Variants in PIGBOS1 observed in about 807,000 individuals in gnomAD.
PIGBOS1 encodes PIGB opposite strand 1, also known as protein PIGBOS1.
rs546729155 is a variant in PIGBOS1, at chr15:55,319,102, C to T, written c.-314G>A. 1.4e-5 allele frequency: 13 copies of T among 922,736 alleles called. No individual in the cohort carries two copies. Among genetic ancestry groups the T allele is most frequent in the Middle Eastern group, 3.6e-4 (1 of 2,792 alleles). 57.2% of individuals were successfully genotyped at this position (922,736 alleles called of 1,614,324 possible). On this transcript the variant is annotated 5_prime_UTR_variant, in exon 1 of 2. Transcript: ENST00000436697. ...CGGCGAAAGGAAACCGCAAGGAGGCCACCACGTCGGGTGGGAGCTACGAAG... is the reference window on the plus strand; with the variant it reads ...CGGCGAAAGGAAACCGCAAGGAGGCTACCACGTCGGGTGGGAGCTACGAAG...
At position 55,317,723 on chromosome 15, in the gene PIGBOS1, T is replaced by C; in HGVS notation, c.70A>G (p.Ile24Val). 1 of 398,564 alleles carries C rather than the reference T, an allele frequency of 2.5e-6. No individual in the cohort carries two copies. The highest frequency in any genetic ancestry group is 4.4e-6 in the Non-Finnish European group (1 of 226,048). 24.7% of individuals were successfully genotyped at this position (398,564 alleles called of 1,614,324 possible). The change falls in exon 2 of 2, where the codon ATT (isoleucine) becomes GTT (valine). Residue 24 changes from isoleucine (I) to valine (V), a missense_variant. By Grantham distance (29) the Ile-to-Val change is conservative. Transcript: ENST00000436697. ...TACTGTTCAAATACTGGTTGAAAAA[T>C]ATATACTCCTCCAGCAATTCCAAGG... ...TVLGIAGGVY[I>V]FQPVFEQYAK...
Position 55,317,724 on chromosome 15 carries a change from A to T in PIGBOS1, c.69T>A (p.Tyr23Ter), listed in dbSNP as rs1233932943. The change falls in exon 2 of 2, where the codon TAT (tyrosine) becomes TAA (stop). Residue 23 changes from tyrosine to a stop codon, truncating the protein, a stop_gained. Coordinates refer to ENST00000436697, the MANE Select transcript of PIGBOS1 (RefSeq NM_001308421.2). LOFTEE classifies it high-confidence loss of function. ...ATVLGIAGGV[Y>*]IFQPVFEQYA... Reference sequence around the variant, plus strand: ...ACTGTTCAAATACTGGTTGAAAAATATATACTCCTCCAGCAATTCCAAGGA... The same window carrying T: ...ACTGTTCAAATACTGGTTGAAAAATTTATACTCCTCCAGCAATTCCAAGGA... 1 of 398,506 alleles carries T rather than the reference A, an allele frequency of 2.5e-6. No homozygotes were observed. Among genetic ancestry groups the T allele is most frequent in the African/African-American group, 2.1e-5 (1 of 48,630 alleles). 24.7% of individuals were successfully genotyped at this position (398,506 alleles called of 1,614,324 possible). A position where few individuals can be genotyped will look rare whatever the true frequency, so the allele number is the denominator to read the frequency against.
rs2055100532 is a variant in PIGBOS1, at chr15:55,319,118, A to G, written c.-330T>C. 1.9e-6 allele frequency: 2 copies of G among 1,078,768 alleles called. No homozygotes were observed. The highest frequency in any genetic ancestry group is 2.6e-6 in the Non-Finnish European group (2 of 771,186). 66.8% of individuals were successfully genotyped at this position (1,078,768 alleles called of 1,614,324 possible). ...CAAGGAGGCCACCACGTCGGGTGGG[A>G]GCTACGAAGTTGCCCGTTCCCGGTT... is the stretch of plus-strand genomic sequence containing the variant. On this transcript the variant is annotated 5_prime_UTR_variant, in exon 1 of 2. Transcript: ENST00000436697.
At position 55,317,208 on chromosome 15, in the gene PIGBOS1, G is replaced by T. The variant is rs776080615; in HGVS notation, c.*420C>A. On this transcript the variant is annotated 3_prime_UTR_variant, in exon 2 of 2. Transcript: ENST00000436697. ...GTTAGGTTAAAAAATCATTATCCAT[G>T]ATTTATTTTTAAGTACATCTATGTT... 5 of 152,186 alleles carry T rather than the reference G, an allele frequency of 3.3e-5. No individual in the cohort carries two copies. Among genetic ancestry groups the T allele is most frequent in the African/African-American group, 7.2e-5 (3 of 41,438 alleles). 9.4% of individuals were successfully genotyped at this position (152,186 alleles called of 1,614,324 possible). A position where few individuals can be genotyped will look rare whatever the true frequency, so the allele number is the denominator to read the frequency against.
chr15:55,317,798 CAACA>C lies in PIGBOS1; in HGVS notation c.-10_-7del, dbSNP rs1595759996. ...AAAGTCAATCTCCTAAACATTGCTG[CAACA>C]AATACAGCTCAAGGAAAAGCTGGTT... On this transcript the variant is annotated 5_prime_UTR_variant, in exon 2 of 2. Transcript: ENST00000436697. The C allele has an allele frequency of 5.0e-6, 2 of 398,014 alleles. No individual in the cohort carries two copies. Among genetic ancestry groups the C allele is most frequent in the Non-Finnish European group, 8.9e-6 (2 of 225,668 alleles). 24.7% of individuals were successfully genotyped at this position (398,014 alleles called of 1,614,324 possible). A position where few individuals can be genotyped will look rare whatever the true frequency, so the allele number is the denominator to read the frequency against.
In PIGBOS1 at chr15:55,317,598, C is replaced by T. The variant is rs1595759783; in HGVS notation, c.*30G>A. 4 of 395,334 alleles carry T rather than the reference C, an allele frequency of 1.0e-5. No homozygotes were observed. In the East Asian group the frequency reaches 1.4e-4, roughly 14 times the overall value. 24.5% of individuals were successfully genotyped at this position (395,334 alleles called of 1,614,324 possible). ...AAAGTGCTGGGATTACAGGCGTGAG[C>T]CACTGCGCCAGGCCTAACTCCATGT... On this transcript the variant is annotated 3_prime_UTR_variant, in exon 2 of 2. Coordinates refer to ENST00000436697, the MANE Select transcript of PIGBOS1 (RefSeq NM_001308421.2).
intron 1 of PIGBOS1, among the ~76,000 whole-genome samples, chr15:55,318,125 T>A (rs1297620285): frequency 6.8e-6 from 1 of 146,558 alleles, no homozygotes; most frequent in Non-Finnish European, 1.5e-5. Flanking sequence ...TGAGACGGAG[T>A]CTCGCTCTGT....
intron 1 of PIGBOS1, among the ~76,000 whole-genome samples, chr15:55,318,357 A>C (rs1181248496): frequency 1.3e-5 from 2 of 149,856 alleles, no homozygotes; most frequent in East Asian, 4.1e-4. Context: ...TTGGCCTCCC[A>C]AAGTACTGGG....
intron 1 of PIGBOS1, 108 bp downstream of exon 1, chr15:55,318,756 C>T (rs553222276): frequency 1.3e-5 from 2 of 150,304 alleles, no homozygotes; most frequent in Non-Finnish European, 3.0e-5. Context: ...GCAACAACAA[C>T]AAAAAAAATA....
chr15:55,317,828 T>C lies in PIGBOS1; in HGVS notation c.-36A>G, dbSNP rs1420912596. 2 of 397,154 alleles carry C rather than the reference T, an allele frequency of 5.0e-6. No homozygotes were observed. The highest frequency in any genetic ancestry group is 8.9e-6 in the Non-Finnish European group (2 of 225,176). The allele number at this position is 397,154 out of a possible 1,614,324, so 24.6% of individuals were successfully genotyped here. A position where few individuals can be genotyped will look rare whatever the true frequency, so the allele number is the denominator to read the frequency against. ...AATACAGCTCAAGGAAAAGCTGGTT[T>C]TGGAAAGTCACACTCCACACCCAGG... is the stretch of plus-strand genomic sequence containing the variant. On this transcript the variant is annotated 5_prime_UTR_variant, in exon 2 of 2. Transcript: ENST00000436697.
intron 1 of PIGBOS1, among the ~76,000 whole-genome samples, chr15:55,318,362 A>G (rs1474238035): frequency 3.3e-5 from 5 of 149,386 alleles, no homozygotes; most frequent in African/African-American, 1.2e-4. Flanking sequence ...CTCCCAAAGT[A>G]CTGGGAATAC....
rs1271462845 is a variant in PIGBOS1 at position 55,318,909 on chromosome 15, T to A, written c.-121A>T. On this transcript the variant is annotated 5_prime_UTR_variant, in exon 1 of 2. Transcript: ENST00000436697. Reference sequence around the variant, plus strand: ...CTGACGTCTACAATTACCGTTACCGTTTTTAATAACCACTCAGGTACCTCC... The same window carrying A: ...CTGACGTCTACAATTACCGTTACCGATTTTAATAACCACTCAGGTACCTCC... 1.7e-5 allele frequency: 4 copies of A among 234,682 alleles called. No homozygotes were observed. The highest frequency in any genetic ancestry group is 3.3e-5 in the Non-Finnish European group (4 of 119,478). The allele number at this position is 234,682 out of a possible 1,614,324, so 14.5% of individuals were successfully genotyped here.
chr15:55,319,111 G>A lies in PIGBOS1; in HGVS notation c.-323C>T. 2 of 994,386 alleles carry A rather than the reference G, an allele frequency of 2.0e-6. No homozygotes were observed. Among genetic ancestry groups the A allele is most frequent in the South Asian group, 1.9e-5 (1 of 53,882 alleles). The allele number at this position is 994,386 out of a possible 1,614,324, so 61.6% of individuals were successfully genotyped here. A position where few individuals can be genotyped will look rare whatever the true frequency, so the allele number is the denominator to read the frequency against. On this transcript the variant is annotated 5_prime_UTR_variant, in exon 1 of 2. Transcript: ENST00000436697. ...GAAACCGCAAGGAGGCCACCACGTC[G>A]GGTGGGAGCTACGAAGTTGCCCGTT...
In PIGBOS1 at chr15:55,317,187, G is replaced by A. The variant is rs1385688696; in HGVS notation, c.*441C>T. On this transcript the variant is annotated 3_prime_UTR_variant, in exon 2 of 2. Coordinates refer to ENST00000436697, the MANE Select transcript of PIGBOS1 (RefSeq NM_001308421.2). ...ATAAACATTAAAATTAACAGTGTTAGGTTAAAAAATCATTATCCATGATTT... is the reference window on the plus strand; with the variant it reads ...ATAAACATTAAAATTAACAGTGTTAAGTTAAAAAATCATTATCCATGATTT... 1.3e-5 allele frequency: 2 copies of A among 151,490 alleles called. No individual in the cohort carries two copies. Among genetic ancestry groups the A allele is most frequent in the Non-Finnish European group, 2.9e-5 (2 of 67,800 alleles). The allele number at this position is 151,490 out of a possible 1,614,324, so 9.4% of individuals were successfully genotyped here. A position where few individuals can be genotyped will look rare whatever the true frequency, so the allele number is the denominator to read the frequency against.
At position 55,319,079 on chromosome 15, in the gene PIGBOS1, G is replaced by C; in HGVS notation, c.-291C>G. 2.6e-6 allele frequency: 2 copies of C among 760,964 alleles called. No homozygotes were observed. The highest frequency in any genetic ancestry group is 4.0e-6 in the Non-Finnish European group (2 of 494,628). The allele number at this position is 760,964 out of a possible 1,614,324, so 47.1% of individuals were successfully genotyped here. On this transcript the variant is annotated 5_prime_UTR_variant, in exon 1 of 2. Coordinates refer to ENST00000436697, the MANE Select transcript of PIGBOS1 (RefSeq NM_001308421.2). Reference sequence around the variant, plus strand: ...GTAGCAATCCCTCGGTTCGGAAACGGCGAAAGGAAACCGCAAGGAGGCCAC... The same window carrying C: ...GTAGCAATCCCTCGGTTCGGAAACGCCGAAAGGAAACCGCAAGGAGGCCAC...
Position 55,318,900 on chromosome 15 carries a change from C to A in PIGBOS1, c.-112G>T, listed in dbSNP as rs577799599. On this transcript the variant is annotated 5_prime_UTR_variant, in exon 1 of 2. Coordinates refer to ENST00000436697, the MANE Select transcript of PIGBOS1 (RefSeq NM_001308421.2). ...ACACCAACACTGACGTCTACAATTA[C>A]CGTTACCGTTTTTAATAACCACTCA... 2.9e-4 allele frequency: 66 copies of A among 226,084 alleles called. No homozygotes were observed. Among genetic ancestry groups the A allele is most frequent in the Non-Finnish European group, 5.3e-5 (6 of 113,352 alleles). 14.0% of individuals were successfully genotyped at this position (226,084 alleles called of 1,614,324 possible). A position where few individuals can be genotyped will look rare whatever the true frequency, so the allele number is the denominator to read the frequency against.
Position 55,319,098 on chromosome 15 carries a change from A to C in PIGBOS1, c.-310T>G. ...GAAACGGCGAAAGGAAACCGCAAGG[A>C]GGCCACCACGTCGGGTGGGAGCTAC... On this transcript the variant is annotated 5_prime_UTR_variant, in exon 1 of 2. Coordinates refer to ENST00000436697, the MANE Select transcript of PIGBOS1 (RefSeq NM_001308421.2). 1 of 873,820 alleles carries C rather than the reference A, an allele frequency of 1.1e-6. No individual in the cohort carries two copies. The highest frequency in any genetic ancestry group is 3.2e-5 in the Admixed American group (1 of 31,636). 54.1% of individuals were successfully genotyped at this position (873,820 alleles called of 1,614,324 possible).
Position 55,318,935 on chromosome 15 carries a change from G to A in PIGBOS1, c.-147C>T. ...TTTTAATAACCACTCAGGTACCTCC[G>A]ACTGTTCTGCGCCTGCTCCACGTCA... On this transcript the variant is annotated 5_prime_UTR_variant, in exon 1 of 2. Transcript: ENST00000436697. The A allele has an allele frequency of 3.3e-6, 1 of 298,570 alleles. No individual in the cohort carries two copies. The highest frequency in any genetic ancestry group is 6.3e-6 in the Non-Finnish European group (1 of 159,058). The allele number at this position is 298,570 out of a possible 1,614,324, so 18.5% of individuals were successfully genotyped here. A position where few individuals can be genotyped will look rare whatever the true frequency, so the allele number is the denominator to read the frequency against.
At chr15:55,318,496 A>C (rs778151937) in intron 1 of PIGBOS1, among the ~76,000 whole-genome samples, 5 of 150,312 alleles carry the variant, frequency 3.3e-5, no homozygotes, top group Non-Finnish European at 7.4e-5. Flanking sequence ...CGAGGTCAGG[A>C]GTTCCAGACC....
Sources: allele counts gnomAD v4.1 joint callset (sites outside exome capture counted in the v4.1 genomes callset), GRCh38; gene constraint gnomAD v4.1.1; transcripts MANE v1.5; gene names NCBI Gene and HGNC (gene_info 2026-07-23, HGNC 2026-07-21).